PDE4B: variants seen among roughly 807,000 people sequenced by gnomAD.
PDE4B encodes the protein phosphodiesterase 4B.
Under a neutral mutation model 82.2 loss-of-function variants are expected in PDE4B, and 20 were observed. The observed-to-expected ratio is 0.24, with a 90% CI of 0.17 to 0.35. PDE4B has a LOEUF of 0.35. Among genes scored for constraint, PDE4B ranks in the 10% least tolerant of loss-of-function variants. PDE4B has a pLI of 1.00. For synonymous variants in PDE4B, 320 were observed against 318.9 expected (o/e 1.00, Z -0.04); for missense variants, 655 against 907.2 (o/e 0.72, Z 3.57).
At chr1:66,145,067 A>C (rs953471886) in intron 3 of PDE4B, among the ~76,000 whole-genome samples, 23 of 152,222 alleles carry the variant, frequency 1.5e-4, no homozygotes, top group African/African-American at 5.5e-4. Context: ...GCAATCTACA[A>C]ACTTGACTGC....
At chr1:65,882,680 ATG>A (rs5774774) in intron 1 of PDE4B, among the ~76,000 whole-genome samples, 116,364 of 149,892 alleles carry the variant, frequency 0.78, 45,267 homozygotes, top group African/African-American at 0.81. Flanking sequence ...TTTGAAAAAT[ATG>A]TGTGTGTGTG....
chr1:65,806,381 C>G (rs1645754938), intron 1 of PDE4B, among the ~76,000 whole-genome samples: 1 of 152,114 alleles, frequency 6.6e-6, no homozygotes, highest in Non-Finnish European at 1.5e-5. Context: ...GTTTTCTAAT[C>G]ACTTACACAA....
intron 7 of PDE4B, among the ~76,000 whole-genome samples, chr1:66,287,657 C>T (rs1656774661): frequency 6.6e-6 from 1 of 152,088 alleles, no homozygotes. Flanking sequence ...GCCTCTGTTT[C>T]CCACACCAGC....
chr1:66,274,567 T>C (rs1655742726), intron 7 of PDE4B, among the ~76,000 whole-genome samples: 1 of 151,910 alleles, frequency 6.6e-6, no homozygotes, highest in East Asian at 1.9e-4. Flanking sequence ...GACTCTGGAG[T>C]CAGACTGCCT....
chr1:65,857,331 T>C (rs900519164), intron 1 of PDE4B, among the ~76,000 whole-genome samples: 3 of 152,206 alleles, frequency 2.0e-5, no homozygotes, highest in Admixed American at 6.5e-5. Context: ...CCAGGCATAG[T>C]AGTGCCCTTG....
At chr1:65,878,200 A>G (rs1646668964) in intron 1 of PDE4B, among the ~76,000 whole-genome samples, 1 of 152,252 alleles carries the variant, frequency 6.6e-6, no homozygotes, top group South Asian at 2.1e-4. Context: ...CATGCCAGTT[A>G]GAATGGTGAC....
intron 1 of PDE4B, among the ~76,000 whole-genome samples, chr1:65,884,142 G>T (rs1391216213): frequency 2.0e-5 from 3 of 152,102 alleles, no homozygotes; most frequent in Admixed American, 6.6e-5. Flanking sequence ...TCTCTGCCAG[G>T]CTTTGGTATC....
chr1:66,247,499 A>G lies in PDE4B; in HGVS notation c.321A>G (p.Pro107=). 1 of 1,602,308 alleles carries G rather than the reference A, an allele frequency of 6.2e-7. No homozygotes were observed. Among genetic ancestry groups the G allele is most frequent in the Non-Finnish European group, 8.5e-7 (1 of 1,175,540 alleles). The change falls in exon 4 of 17, where the codon CCA becomes CCG. Residue 107 remains proline, a synonymous_variant. Transcript: ENST00000341517. The part of the protein sequence containing the change: ...VENGPSPGRS[P]LDPQASSSAG... ...ATGGCCCTTCCCCAGGTCGGAGTCC[A>G]CTGGATCCCCAGGCCAGCTCTTCCG... is the stretch of plus-strand genomic sequence containing the variant.
intron 3 of PDE4B, among the ~76,000 whole-genome samples, chr1:66,057,222 A>G (rs1655350690): frequency 6.6e-6 from 1 of 152,190 alleles, no homozygotes; most frequent in South Asian, 2.1e-4. Flanking sequence ...ACCAAGTGCT[A>G]AGTGCTGGAT....
intron 7 of PDE4B, among the ~76,000 whole-genome samples, chr1:66,310,794 G>A (rs1377693232): frequency 6.6e-5 from 10 of 152,092 alleles, no homozygotes; most frequent in Admixed American, 6.5e-4. Flanking sequence ...TGAGGTTCCT[G>A]GCTGACACTT....
At chr1:65,838,509 GTATATATATGTATATGTA>G (rs1557772320) in intron 1 of PDE4B, among the ~76,000 whole-genome samples, 18 of 146,540 alleles carry the variant, frequency 1.2e-4, no homozygotes, top group African/African-American at 3.7e-4. Flanking sequence ...ATACGTATAT[GTATATATATGTATATGTA>G]TATATATGTA....
At chr1:66,057,747 C>A (rs1429155180) in intron 3 of PDE4B, among the ~76,000 whole-genome samples, 1 of 152,150 alleles carries the variant, frequency 6.6e-6, no homozygotes, top group African/African-American at 2.4e-5. Flanking sequence ...AAGGGAGAGA[C>A]CTGCTCCCAT....
At chr1:65,910,537 A>G (rs1258257332) in intron 1 of PDE4B, among the ~76,000 whole-genome samples, 1 of 152,184 alleles carries the variant, frequency 6.6e-6, no homozygotes, top group Non-Finnish European at 1.5e-5. Flanking sequence ...TGTTCTCTTA[A>G]AGAAGCTGAA....
chr1:66,032,830 A>G (rs1483912529), intron 3 of PDE4B, among the ~76,000 whole-genome samples: 1 of 151,532 alleles, frequency 6.6e-6, no homozygotes, highest in Non-Finnish European at 1.5e-5. Flanking sequence ...AATTTTTTGT[A>G]TTTTTAGTGG....
At chr1:66,119,224 C>A (rs534620592) in intron 3 of PDE4B, among the ~76,000 whole-genome samples, 2 of 152,146 alleles carry the variant, frequency 1.3e-5, no homozygotes, top group Admixed American at 1.3e-4. Flanking sequence ...GTCAGAAGTT[C>A]ATTTTGAGAG....
intron 3 of PDE4B, among the ~76,000 whole-genome samples, chr1:65,940,466 A>G (rs540038242): frequency 6.6e-6 from 1 of 152,324 alleles, no homozygotes; most frequent in African/African-American, 2.4e-5. Flanking sequence ...TGACTTTAAA[A>G]AAATAATGTT....
chr1:66,238,216 T>C (rs1046178341), intron 3 of PDE4B, among the ~76,000 whole-genome samples: 1 of 152,116 alleles, frequency 6.6e-6, no homozygotes, highest in Non-Finnish European at 1.5e-5. Context: ...AAAGCAGATA[T>C]ACCAGGAAGG....
At position 66,344,897 on chromosome 1, in the gene PDE4B, T is replaced by A. The variant is rs112119880; in HGVS notation, c.748-10630T>A. Among the ~76,000 whole-genome samples the A allele has an allele frequency of 4.8e-3, 726 of 152,332 alleles. 2 individuals carry two copies. Among genetic ancestry groups the A allele is most frequent in the South Asian group, 0.018 (85 of 4,822 alleles). On this transcript the variant is annotated intron_variant, in intron 8 of 16. Coordinates refer to ENST00000341517, the MANE Select transcript of PDE4B (RefSeq NM_002600.4). The stretch of plus-strand genomic sequence containing the variant: ...TAAGGCCCATTTCTTCACTTAAAGT[T>A]TATGTGCTCTCAAAGCTTCCTGTGG...
In PDE4B at chr1:66,166,862, A is replaced by G. The variant is rs192805291; in HGVS notation, c.282-80598A>G. Among the ~76,000 whole-genome samples the G allele has an allele frequency of 9.4e-4, 143 of 152,342 alleles. 1 individual carries two copies. The highest frequency in any genetic ancestry group is 3.3e-3 in the African/African-American group (137 of 41,580). The stretch of plus-strand genomic sequence containing the variant: ...ACTTACAATTCAACAACAAAAAGCC[A>G]CAGACCGTAACTAACAAATGGGCAA... On this transcript the variant is annotated intron_variant, in intron 3 of 16. Coordinates refer to ENST00000341517, the MANE Select transcript of PDE4B (RefSeq NM_002600.4).
Sources: allele counts gnomAD v4.1 joint callset (sites outside exome capture counted in the v4.1 genomes callset), GRCh38; gene constraint gnomAD v4.1.1; transcripts MANE v1.5; gene names NCBI Gene and HGNC (gene_info 2026-07-23, HGNC 2026-07-21).